PRKAA2: variants seen among roughly 807,000 people sequenced by gnomAD.
PRKAA2 encodes 5'-AMP-activated protein kinase catalytic subunit alpha-2.
PRKAA2 carries 40 observed loss-of-function variants against 56.3 expected under a neutral mutation model. The ratio of observed to expected loss-of-function variants is 0.71; its 90% CI spans 0.55 to 0.92. The LOEUF (loss-of-function observed/expected upper bound fraction) is 0.92, where lower values mean the gene tolerates loss of function less well. Among genes scored for constraint, PRKAA2 ranks in the 40% least tolerant of loss-of-function variants. The pLI, the probability that PRKAA2 is intolerant of heterozygous loss-of-function variation, is 0.00. For synonymous variants in PRKAA2, 214 were observed against 234.2 expected, an observed-to-expected ratio of 0.91 and a Z score of 0.79; for missense variants, 542 against 686.9, an observed-to-expected ratio of 0.79 and a Z score of 2.36.
rs1363385907 is a variant in PRKAA2, at chr1:56,708,177, G to A, written c.*464G>A. The stretch of plus-strand genomic sequence containing the variant: ...GAAGATTAAAAAGTAAAAGAACCAC[G>A]AGTAAGATATTATTTAAATGTTGAA... On this transcript the variant is annotated 3_prime_UTR_variant, in exon 9 of 9. Transcript: ENST00000371244. The A allele has an allele frequency of 6.3e-6, 1 of 159,360 alleles. No individual in the cohort carries two copies. The highest frequency in any genetic ancestry group is 1.8e-4 in the East Asian group (1 of 5,440). 9.9% of individuals were successfully genotyped at this position (159,360 alleles called of 1,614,324 possible). A position where few individuals can be genotyped will look rare whatever the true frequency, so the allele number is the denominator to read the frequency against.
rs968696712 is a variant in PRKAA2, at chr1:56,708,485, T to C, written c.*772T>C. On this transcript the variant is annotated 3_prime_UTR_variant, in exon 9 of 9. Transcript: ENST00000371244. The stretch of plus-strand genomic sequence containing the variant: ...ATAAACTTACGTCATTTAAAAAATG[T>C]CTTCAAAATCTACCTTTCTCAAATT... The C allele has an allele frequency of 6.6e-6, 1 of 152,234 alleles. No individual in the cohort carries two copies. Among genetic ancestry groups the C allele is most frequent in the African/African-American group, 2.4e-5 (1 of 41,466 alleles). 9.4% of individuals were successfully genotyped at this position (152,234 alleles called of 1,614,324 possible). A position where few individuals can be genotyped will look rare whatever the true frequency, so the allele number is the denominator to read the frequency against.
chr1:56,701,663 G>A (rs570399434), intron 6 of PRKAA2, among the ~76,000 whole-genome samples: 185 of 152,230 alleles, frequency 1.2e-3, no homozygotes, highest in Admixed American at 5.0e-3. Context: ...TTGGGAGGCC[G>A]AGGCGGGTGG....
intron 1 of PRKAA2, among the ~76,000 whole-genome samples, chr1:56,658,052 C>T (rs1643959896): frequency 6.6e-6 from 1 of 152,080 alleles, no homozygotes; most frequent in Admixed American, 6.5e-5. Context: ...GTTCTAAAGT[C>T]CTTGCTTTGT....
At chr1:56,645,564 G>C in intron 1 of PRKAA2, 83 bp downstream of exon 1, 1 of 1,277,966 alleles carries the variant, frequency 7.8e-7, no homozygotes, top group African/African-American at 1.6e-5. Flanking sequence ...CCGGGCCTCC[G>C]GCGGGCGCGG....
At position 56,707,899 on chromosome 1, in the gene PRKAA2, CTG is replaced by C; in HGVS notation, c.*188_*189del. 1 of 624,036 alleles carries C rather than the reference CTG, an allele frequency of 1.6e-6. No homozygotes were observed. Among genetic ancestry groups the C allele is most frequent in the Admixed American group, 3.0e-5 (1 of 32,856 alleles). The allele number at this position is 624,036 out of a possible 1,614,324, so 38.7% of individuals were successfully genotyped here. ...TGACATCTTATTTACTTGTAGAAAT[CTG>C]TAATTCTATTGTGCCTATGATAAAT... On this transcript the variant is annotated 3_prime_UTR_variant, in exon 9 of 9. Coordinates refer to ENST00000371244, the MANE Select transcript of PRKAA2 (RefSeq NM_006252.4).
chr1:56,669,228 G>A (rs564721339), intron 1 of PRKAA2, among the ~76,000 whole-genome samples: 1 of 152,278 alleles, frequency 6.6e-6, no homozygotes, highest in Non-Finnish European at 1.5e-5. Context: ...GGAGGCTAAG[G>A]CAGGCAGATC....
intron 1 of PRKAA2, among the ~76,000 whole-genome samples, chr1:56,664,877 C>CACAT (rs1354050409): frequency 6.8e-6 from 1 of 146,270 alleles, no homozygotes; most frequent in African/African-American, 2.6e-5. Context: ...CACACACACA[C>CACAT]ACACACACAC....
chr1:56,663,158 A>G (rs910231901), intron 1 of PRKAA2, among the ~76,000 whole-genome samples: 8 of 152,142 alleles, frequency 5.3e-5, no homozygotes, highest in Non-Finnish European at 1.0e-4. Context: ...CAGTGGCGCA[A>G]TCATAGCTCA....
chr1:56,692,580 C>A (rs1644235689), intron 4 of PRKAA2, 78 bp downstream of exon 4: 12 of 1,435,074 alleles, frequency 8.4e-6, no homozygotes, highest in African/African-American at 2.9e-5. Context: ...AAGAACTTTA[C>A]TTTTCAACCT....
intron 1 of PRKAA2, among the ~76,000 whole-genome samples, chr1:56,658,968 A>ATTT (rs758544267): frequency 3.7e-5 from 5 of 136,032 alleles, no homozygotes; most frequent in African/African-American, 1.1e-4. Context: ...CTAATTTTTA[A>ATTT]TTTTTTTTTT....
chr1:56,658,158 T>C (rs1643960468), intron 1 of PRKAA2, among the ~76,000 whole-genome samples: 1 of 152,092 alleles, frequency 6.6e-6, no homozygotes. Context: ...CTGAGGACTC[T>C]AGAGAAAAAA....
chr1:56,701,924 G>T (rs1644296872), intron 6 of PRKAA2, among the ~76,000 whole-genome samples: 1 of 152,004 alleles, frequency 6.6e-6, no homozygotes, highest in Non-Finnish European at 1.5e-5. Context: ...AGTTTACTGG[G>T]CAAGATTAAG....
At chr1:56,691,870 C>T (rs544539298) in intron 3 of PRKAA2, among the ~76,000 whole-genome samples, 5 of 152,112 alleles carry the variant, frequency 3.3e-5, no homozygotes, top group Non-Finnish European at 5.9e-5. Flanking sequence ...TTCTGCTTAG[C>T]GACAAAGACA....
chr1:56,662,671 A>T (rs1318675662), intron 1 of PRKAA2, among the ~76,000 whole-genome samples: 1 of 152,220 alleles, frequency 6.6e-6, no homozygotes, highest in Non-Finnish European at 1.5e-5. Flanking sequence ...TTCCTAAAGA[A>T]TTTACAGTCC....
chr1:56,659,764 C>T (rs1643979266), intron 1 of PRKAA2, among the ~76,000 whole-genome samples: 1 of 151,884 alleles, frequency 6.6e-6, no homozygotes, highest in African/African-American at 2.4e-5. Flanking sequence ...AAAAATTAGC[C>T]AGCCATGGTG....
chr1:56,663,346 C>T (rs1557546136), intron 1 of PRKAA2, among the ~76,000 whole-genome samples: 1 of 152,168 alleles, frequency 6.6e-6, no homozygotes, highest in Non-Finnish European at 1.5e-5. Context: ...CCCCTGTTTC[C>T]CAAAGTGTTG....
At chr1:56,650,095 A>T (rs1646675131) in intron 1 of PRKAA2, among the ~76,000 whole-genome samples, 1 of 147,008 alleles carries the variant, frequency 6.8e-6, no homozygotes, top group Non-Finnish European at 1.5e-5. Context: ...ACTCCGTCTT[A>T]AAAAAAAAAA....
intron 1 of PRKAA2, among the ~76,000 whole-genome samples, chr1:56,657,910 C>T (rs921684788): frequency 2.6e-5 from 4 of 151,998 alleles, no homozygotes; most frequent in South Asian, 2.1e-4. Context: ...AAATGAAGAG[C>T]GTTGGGAAGT....
rs1422340125 is a variant in PRKAA2 at position 56,708,649 on chromosome 1, G to A, written c.*936G>A. On this transcript the variant is annotated 3_prime_UTR_variant, in exon 9 of 9. Transcript: ENST00000371244. ...TTCTGTGTTAGGTGTTAGGGTCCTGGTGCAGCTCATAATGCTAATTCTTCA... is the reference window on the plus strand; with the variant it reads ...TTCTGTGTTAGGTGTTAGGGTCCTGATGCAGCTCATAATGCTAATTCTTCA... 2 of 152,112 alleles carry A rather than the reference G, an allele frequency of 1.3e-5. No homozygotes were observed. The highest frequency in any genetic ancestry group is 2.9e-5 in the Non-Finnish European group (2 of 68,026). The allele number at this position is 152,112 out of a possible 1,614,324, so 9.4% of individuals were successfully genotyped here. A position where few individuals can be genotyped will look rare whatever the true frequency, so the allele number is the denominator to read the frequency against.
Sources: allele counts gnomAD v4.1 joint callset (sites outside exome capture counted in the v4.1 genomes callset), GRCh38; gene constraint gnomAD v4.1.1; transcripts MANE v1.5; gene names NCBI Gene and HGNC (gene_info 2026-07-23, HGNC 2026-07-21).